The following VPS35L variants were observed in gnomAD, a reference collection of about 807,000 sequenced individuals.
VPS35L encodes the protein VPS35 endosomal protein sorting factor like.
In VPS35L, 83 loss-of-function variants were observed where a neutral mutation model predicts 133.0. The observed-to-expected ratio is 0.62, with a 90% CI of 0.52 to 0.75. The LOEUF is 0.75. VPS35L is among the 30% of genes least tolerant of loss of function. VPS35L has a pLI of 0.00. For missense variants in VPS35L, 1,083 were observed against 1,206.8 expected (o/e 0.90, Z 1.52); for synonymous variants, 423 against 449.9 (o/e 0.94, Z 0.76).
chr16:19,572,286 C>T (rs1243499374), intron 3 of VPS35L, among the ~76,000 whole-genome samples: 21 of 152,170 alleles, frequency 1.4e-4, no homozygotes, highest in Admixed American at 6.5e-5. Flanking sequence ...GGTGTGGTGG[C>T]GGGCACCTGT....
At chr16:19,632,114 A>C (rs1333441353) in intron 18 of VPS35L, among the ~76,000 whole-genome samples, 2 of 151,928 alleles carry the variant, frequency 1.3e-5, no homozygotes, top group African/African-American at 4.8e-5. Flanking sequence ...GGTGTGTGTG[A>C]CCACACCCCG....
intron 5 of VPS35L, chr16:19,578,612 A>G (rs1309040065): frequency 3.0e-6 from 1 of 334,414 alleles, no homozygotes; most frequent in East Asian, 8.1e-5. Context: ...TTGAAGCCCT[A>G]GTGTTTCCAC....
At chr16:19,627,639 A>T in intron 15 of VPS35L, 55 bp from the exon 16 acceptor site, 2 of 1,372,026 alleles carry the variant, frequency 1.5e-6, no homozygotes, top group Non-Finnish European at 2.1e-6. Context: ...TTCAAAAATT[A>T]AAGCAACTTT....
intron 26 of VPS35L, among the ~76,000 whole-genome samples, chr16:19,667,091 G>A (rs1474037729): frequency 6.6e-6 from 1 of 151,812 alleles, no homozygotes; most frequent in African/African-American, 2.4e-5. Flanking sequence ...AGCCTCCCGA[G>A]TAGCTGGAAT....
intron 18 of VPS35L, among the ~76,000 whole-genome samples, chr16:19,632,494 A>G (rs539258965): frequency 9.9e-5 from 15 of 152,224 alleles, no homozygotes; most frequent in East Asian, 1.9e-4. Context: ...CTTTTGCTCT[A>G]TAGAGTTGCA....
rs765625438 is a variant in VPS35L, at chr16:19,579,090, G to T, written c.472G>T (p.Val158Leu). 8.7e-6 allele frequency: 14 copies of T among 1,614,174 alleles called. No homozygotes were observed. Among genetic ancestry groups the T allele is most frequent in the Non-Finnish European group, 1.2e-5 (14 of 1,180,034 alleles). Residue 158 changes from valine to leucine, a missense_variant, in exon 6 of 31, where the codon GTG (valine) becomes TTG (leucine). Transcript: ENST00000417362. ...GTATLAMSEK[V>L]RTRLEELDDF... Reference sequence around the variant, plus strand: ...TGCCACATTGGCAATGTCAGAGAAGGTGCGGACCCGGCTGGAGGAGCTGGA... The same window carrying T: ...TGCCACATTGGCAATGTCAGAGAAGTTGCGGACCCGGCTGGAGGAGCTGGA...
At chr16:19,616,927 G>C in intron 14 of VPS35L, 119 bp downstream of exon 14, 1 of 1,449,430 alleles carries the variant, frequency 6.9e-7, no homozygotes, top group Non-Finnish European at 9.5e-7. Context: ...GTTAGTGCTA[G>C]CCAGCCTTTA....
chr16:19,569,230 C>T (rs1012887582), intron 2 of VPS35L, 194 bp from the exon 3 acceptor site: 2 of 736,996 alleles, frequency 2.7e-6, no homozygotes, highest in Non-Finnish European at 4.8e-6. Flanking sequence ...TTCCTACTTT[C>T]CCTTCCTTGA....
chr16:19,628,612 C>A, intron 16 of VPS35L, 25 bp from the exon 17 acceptor site: 2 of 1,276,722 alleles, frequency 1.6e-6, no homozygotes, highest in Non-Finnish European at 1.1e-6. Context: ...ATTTCCATAA[C>A]ATGATGGTTT....
intron 26 of VPS35L, among the ~76,000 whole-genome samples, chr16:19,659,880 G>T (rs1377798243): frequency 1.3e-5 from 2 of 152,200 alleles, no homozygotes; most frequent in African/African-American, 4.8e-5. Flanking sequence ...CTCATACGGA[G>T]ATAGAAAATG....
chr16:19,644,821 AT>A (rs933601532), intron 22 of VPS35L, 64 bp from the exon 23 acceptor site: 13 of 1,238,482 alleles, frequency 1.0e-5, no homozygotes, highest in Non-Finnish European at 1.3e-5. Context: ...CCCCTTGTGT[AT>A]TTTTTTCTTT....
intron 9 of VPS35L, among the ~76,000 whole-genome samples, chr16:19,605,713 A>T (rs973656895): frequency 2.6e-5 from 4 of 152,126 alleles, no homozygotes; most frequent in Non-Finnish European, 5.9e-5. Flanking sequence ...TGACCACTAC[A>T]TCTAATGAGC....
chr16:19,587,764 C>T (rs1000714497), intron 7 of VPS35L, among the ~76,000 whole-genome samples: 4 of 151,424 alleles, frequency 2.6e-5, no homozygotes, highest in African/African-American at 9.7e-5. Flanking sequence ...TCTGTTGATC[C>T]ATAAGTCAAT....
intron 8 of VPS35L, among the ~76,000 whole-genome samples, chr16:19,595,253 CG>C (rs1357707945): frequency 6.6e-6 from 1 of 151,852 alleles, no homozygotes; most frequent in Non-Finnish European, 1.5e-5. Flanking sequence ...GACTGTAGGG[CG>C]GGGGTAGAGC....
At chr16:19,662,252 C>A (rs1000055861) in intron 26 of VPS35L, among the ~76,000 whole-genome samples, 1 of 151,992 alleles carries the variant, frequency 6.6e-6, no homozygotes, top group African/African-American at 2.4e-5. Flanking sequence ...TGCCTGTAAT[C>A]CTAGCACTTT....
At chr16:19,558,355 C>T (rs1028763247) in intron 1 of VPS35L, among the ~76,000 whole-genome samples, 1 of 152,160 alleles carries the variant, frequency 6.6e-6, no homozygotes, top group Non-Finnish European at 1.5e-5. Flanking sequence ...TTAAATTAGC[C>T]CCACAAGGGA....
chr16:19,675,174 C>T (rs910263123), intron 27 of VPS35L, among the ~76,000 whole-genome samples: 3 of 151,804 alleles, frequency 2.0e-5, no homozygotes, highest in Non-Finnish European at 2.9e-5. Context: ...TGGTCTTGAA[C>T]GCCAAGGCTC....
chr16:19,573,337 C>T lies in VPS35L; in HGVS notation c.408+96C>T, dbSNP rs540123098. The T allele has an allele frequency of 3.5e-5, 46 of 1,329,484 alleles. No homozygotes were observed. In the East Asian group the frequency reaches 1.0e-3, roughly 30 times the overall value. The allele number at this position is 1,329,484 out of a possible 1,614,324, so 82.4% of individuals were successfully genotyped here. Reference sequence around the variant, plus strand: ...CAACTCCTGGGCTCTGTAAGTTTCACTTATTTATTTATTTTTCTACTTCTC... The same window carrying T: ...CAACTCCTGGGCTCTGTAAGTTTCATTTATTTATTTATTTTTCTACTTCTC... On this transcript the variant is annotated intron_variant, in intron 4 of 30. Coordinates refer to ENST00000417362, the MANE Select transcript of VPS35L (RefSeq NM_020314.7).
intron 25 of VPS35L, among the ~76,000 whole-genome samples, chr16:19,650,704 T>G (rs555359190): frequency 1.3e-5 from 2 of 152,326 alleles, no homozygotes; most frequent in East Asian, 1.9e-4. Context: ...GAGCGATGGA[T>G]CTGCATTTTT....
Sources: allele counts gnomAD v4.1 joint callset (sites outside exome capture counted in the v4.1 genomes callset), GRCh38; gene constraint gnomAD v4.1.1; transcripts MANE v1.5; gene names NCBI Gene and HGNC (gene_info 2026-07-23, HGNC 2026-07-21).